The following PRPF3 variants were observed in gnomAD, a reference collection of about 807,000 sequenced individuals.
PRPF3 encodes the protein U4/U6 small nuclear ribonucleoprotein Prp3.
PRPF3 carries 3 observed loss-of-function variants against 89.2 expected under a neutral mutation model. The observed-to-expected ratio is 0.03, with a 90% CI of 0.02 to 0.09. The LOEUF (loss-of-function observed/expected upper bound fraction) is 0.09. PRPF3 is among the 10% of genes least tolerant of loss of function. The pLI, the probability that PRPF3 is intolerant of heterozygous loss-of-function variation, is 1.00. For missense variants in PRPF3, 463 were observed against 828.8 expected, an observed-to-expected ratio of 0.56 and a Z score of 5.42; for synonymous variants, 270 against 289.1, an observed-to-expected ratio of 0.93 and a Z score of 0.67.
chr1:150,351,877 T>C (rs1313808656), intron 15 of PRPF3, among the ~76,000 whole-genome samples: 1 of 151,982 alleles, frequency 6.6e-6, no homozygotes, highest in Non-Finnish European at 1.5e-5. Flanking sequence ...GAGTACTTAC[T>C]GAAAAAGTCC....
At chr1:150,326,526 A>T (rs1473616020) in intron 3 of PRPF3, among the ~76,000 whole-genome samples, 2 of 151,472 alleles carry the variant, frequency 1.3e-5, no homozygotes, top group Non-Finnish European at 2.9e-5. Flanking sequence ...TTTTCTACTC[A>T]TTTCCCAGTA....
At chr1:150,321,664 G>A (rs1655059491) in intron 1 of PRPF3, 72 bp downstream of exon 1, 2 of 152,858 alleles carry the variant, frequency 1.3e-5, no homozygotes, top group East Asian at 1.9e-4. Flanking sequence ...TCAGTCCAAG[G>A]GGAGGACCGA....
chr1:150,335,763 CT>C (rs34699046), intron 7 of PRPF3, among the ~76,000 whole-genome samples: 2 of 142,380 alleles, frequency 1.4e-5, no homozygotes. Context: ...CCGCCCCCGC[CT>C]TTTTTTTTTT....
intron 12 of PRPF3, 88 bp downstream of exon 12, chr1:150,344,635 C>A: frequency 7.4e-7 from 1 of 1,356,468 alleles, no homozygotes; most frequent in Non-Finnish European, 1.0e-6. Flanking sequence ...GGCCTAAAAG[C>A]ATACCTAACA....
At chr1:150,343,274 T>TAAGA in intron 9 of PRPF3, 35 bp from the exon 10 acceptor site, 1 of 1,465,116 alleles carries the variant, frequency 6.8e-7, no homozygotes, top group Non-Finnish European at 9.4e-7. Flanking sequence ...TATGTATTCT[T>TAAGA]ACTGCTTTGG....
At chr1:150,325,602 T>C (rs1655619229) in intron 2 of PRPF3, 149 bp from the exon 3 acceptor site, 1 of 1,016,632 alleles carries the variant, frequency 9.8e-7, no homozygotes, top group African/African-American at 1.6e-5. Context: ...CAAGGTCATT[T>C]AGTGTAAGAG....
chr1:150,347,225 T>C (rs886097093), intron 14 of PRPF3, among the ~76,000 whole-genome samples: 16 of 151,374 alleles, frequency 1.1e-4, no homozygotes, highest in African/African-American at 3.9e-4. Flanking sequence ...TCTGCTTTGA[T>C]CAAACTATTT....
At chr1:150,338,459 A>C in intron 8 of PRPF3, 133 bp downstream of exon 8, 1 of 937,236 alleles carries the variant, frequency 1.1e-6, no homozygotes, top group Non-Finnish European at 1.6e-6. Context: ...AAAATTTTTA[A>C]ATCCAAGAGA....
chr1:150,340,577 T>C, intron 9 of PRPF3, 100 bp downstream of exon 9: 2 of 890,248 alleles, frequency 2.2e-6, no homozygotes, highest in South Asian at 2.7e-5. Flanking sequence ...TTCAATACAA[T>C]AGCCACTACC....
chr1:150,324,205 C>T (rs1572182676), intron 1 of PRPF3, among the ~76,000 whole-genome samples: 1 of 152,110 alleles, frequency 6.6e-6, no homozygotes, highest in African/African-American at 2.4e-5. Context: ...TTAGGGAATG[C>T]CTGCCTGGAA....
intron 4 of PRPF3, among the ~76,000 whole-genome samples, chr1:150,330,938 C>G (rs1053293542): frequency 7.1e-6 from 1 of 140,666 alleles, no homozygotes; most frequent in Non-Finnish European, 1.6e-5. Flanking sequence ...AGGCTGGTCT[C>G]GAACTCCTGA....
chr1:150,343,404 C>A lies in PRPF3; in HGVS notation c.1378C>A (p.Leu460Ile). 2.5e-6 allele frequency: 4 copies of A among 1,605,736 alleles called. No individual in the cohort carries two copies. Among genetic ancestry groups the A allele is most frequent in the Non-Finnish European group, 3.4e-6 (4 of 1,174,256 alleles). ...AACAAGGAGGGAAGCACAGAAGGAA[C>A]TACAAGAAAAAGTCAGGCTGGGCCT... ...RQTRREAQKELQEKVRLGLMP... is the reference protein window; with the variant it reads ...RQTRREAQKEIQEKVRLGLMP... Residue 460 changes from leucine to isoleucine, a missense_variant, in exon 10 of 16, where the codon CTA (leucine) becomes ATA (isoleucine). Transcript: ENST00000324862.
intron 6 of PRPF3, among the ~76,000 whole-genome samples, chr1:150,334,410 A>G (rs1553866628): frequency 1.3e-5 from 2 of 152,144 alleles, no homozygotes. Flanking sequence ...TCTGTCACCC[A>G]GGCTGGAGTG....
intron 15 of PRPF3, among the ~76,000 whole-genome samples, chr1:150,350,645 A>G (rs1553874165): frequency 3.9e-5 from 6 of 152,228 alleles, no homozygotes; most frequent in Non-Finnish European, 1.5e-5. Flanking sequence ...AAGATTAGAA[A>G]CAAATTCTAA....
At chr1:150,352,738 CAT>C (rs1170948839) in intron 15 of PRPF3, 93 bp from the exon 16 acceptor site, 7 of 1,340,550 alleles carry the variant, frequency 5.2e-6, no homozygotes, top group East Asian at 2.5e-5. Context: ...CAGCTGGGCA[CAT>C]GTCTCACAAA....
At chr1:150,343,789 A>C (rs16836130) in intron 10 of PRPF3, among the ~76,000 whole-genome samples, 7,199 of 152,280 alleles carry the variant, frequency 0.047, 428 homozygotes, top group African/African-American at 0.13. Context: ...TTTACAATGA[A>C]AGTACAGGAT....
chr1:150,338,326 T>A lies in PRPF3; in HGVS notation c.1202T>A (p.Leu401His). 1.2e-6 allele frequency: 2 copies of A among 1,613,898 alleles called. No homozygotes were observed. The highest frequency in any genetic ancestry group is 1.7e-6 in the Non-Finnish European group (2 of 1,179,832). ...DSYIIPNGFD[L>H]TEENPKREDY... Reference sequence around the variant, plus strand: ...TACATAATCCCCAATGGCTTTGATCTGTGAGTTTGTTTTAGTACCTTTTTA... The same window carrying A: ...TACATAATCCCCAATGGCTTTGATCAGTGAGTTTGTTTTAGTACCTTTTTA... The change falls in exon 8 of 16, where the codon CTT becomes CAT. Residue 401 changes from leucine (L) to histidine (H), a missense_variant and splice_region_variant. By Grantham distance (99) the Leu-to-His change is moderately conservative. Coordinates refer to ENST00000324862, the MANE Select transcript of PRPF3 (RefSeq NM_004698.4).
chr1:150,323,987 G>T (rs1209403840), intron 1 of PRPF3, among the ~76,000 whole-genome samples: 2 of 151,814 alleles, frequency 1.3e-5, no homozygotes, highest in Admixed American at 6.6e-5. Flanking sequence ...CACCATCTTG[G>T]CCAGGCTGGT....
rs905302820 is a variant in PRPF3 at position 150,345,927 on chromosome 1, A to G, written c.1641-91A>G. 7.3e-6 allele frequency: 7 copies of G among 963,960 alleles called. No individual in the cohort carries two copies. In the Admixed American group the frequency reaches 8.5e-5, roughly 12 times the overall value. The allele number at this position is 963,960 out of a possible 1,614,324, so 59.7% of individuals were successfully genotyped here. ...AGAGGCCTTTGTTTATAGAGAGGAA[A>G]CCATTTTGGATTCATCTTTTTACTT... On this transcript the variant is annotated intron_variant, in intron 12 of 15. Coordinates refer to ENST00000324862, the MANE Select transcript of PRPF3 (RefSeq NM_004698.4).
Sources: allele counts gnomAD v4.1 joint callset (sites outside exome capture counted in the v4.1 genomes callset), GRCh38; gene constraint gnomAD v4.1.1; transcripts MANE v1.5; gene names NCBI Gene and HGNC (gene_info 2026-07-23, HGNC 2026-07-21).